Variants in ASCC3 observed in about 807,000 individuals in gnomAD.
ASCC3 encodes ASC-1 complex subunit P200.
A neutral mutation model predicts 256.3 loss-of-function variants in ASCC3; 158 were observed. The observed-to-expected ratio is 0.62, with a 90% CI of 0.54 to 0.70. The LOEUF (loss-of-function observed/expected upper bound fraction) is 0.70. ASCC3 is among the 30% of genes least tolerant of loss of function. The probability of loss-of-function intolerance (pLI) is 0.00; values close to 1 mark genes in which losing one functional copy is unlikely to be tolerated. For synonymous variants in ASCC3, 948 were observed against 883.4 expected (o/e 1.07, Z -1.30); for missense variants, 2,259 against 2,626.0 (o/e 0.86, Z 3.05).
intron 13 of ASCC3, among the ~76,000 whole-genome samples, chr6:100,696,096 T>G (rs1778069425): frequency 6.6e-6 from 1 of 152,212 alleles, no homozygotes; most frequent in Admixed American, 6.5e-5. Flanking sequence ...ACATTTCTCA[T>G]CTACTCAATT....
chr6:100,606,611 T>C, intron 32 of ASCC3, 129 bp downstream of exon 32: 3 of 1,035,886 alleles, frequency 2.9e-6, no homozygotes, highest in Non-Finnish European at 4.1e-6. Flanking sequence ...CTATAATTGC[T>C]TATCATCTGT....
At chr6:100,652,186 C>T (rs1775707597) in intron 18 of ASCC3, among the ~76,000 whole-genome samples, 3 of 152,108 alleles carry the variant, frequency 2.0e-5, no homozygotes, top group South Asian at 4.1e-4. Flanking sequence ...AAAAGAACAG[C>T]AAACAGGTTT....
intron 34 of ASCC3, among the ~76,000 whole-genome samples, chr6:100,594,139 T>A (rs1415804554): frequency 1.3e-5 from 2 of 152,132 alleles, no homozygotes; most frequent in African/African-American, 2.4e-5. Flanking sequence ...CATAGTAGTA[T>A]GATTAGCTGA....
intron 4 of ASCC3, among the ~76,000 whole-genome samples, chr6:100,809,066 T>A (rs1341421192): frequency 2.6e-5 from 4 of 151,970 alleles, no homozygotes; most frequent in Admixed American, 2.6e-4. Context: ...ATTACTCTAG[T>A]TGAGTCAGTG....
intron 4 of ASCC3, among the ~76,000 whole-genome samples, chr6:100,821,102 T>A (rs1339008930): frequency 2.0e-5 from 3 of 152,306 alleles, no homozygotes. Context: ...CAATCATGGC[T>A]CACTACAGCC....
chr6:100,597,732 G>C (rs1177851216), intron 34 of ASCC3, among the ~76,000 whole-genome samples: 1 of 150,650 alleles, frequency 6.6e-6, no homozygotes, highest in African/African-American at 2.5e-5. Context: ...CAGCACTTTG[G>C]GAGGCCGAGA....
intron 11 of ASCC3, among the ~76,000 whole-genome samples, chr6:100,719,571 T>A (rs1405562091): frequency 1.3e-5 from 2 of 152,098 alleles, no homozygotes; most frequent in East Asian, 1.9e-4. Flanking sequence ...ACAACATTTT[T>A]AAATCTAAAA....
chr6:100,676,165 T>C (rs1776995597), intron 14 of ASCC3, among the ~76,000 whole-genome samples: 1 of 152,148 alleles, frequency 6.6e-6, no homozygotes, highest in Admixed American at 6.5e-5. Flanking sequence ...TTGTTTATTA[T>C]CCTTTTGCCA....
chr6:100,569,398 T>C (rs1156316683), intron 36 of ASCC3, among the ~76,000 whole-genome samples: 1 of 152,072 alleles, frequency 6.6e-6, no homozygotes, highest in African/African-American at 2.4e-5. Flanking sequence ...TGTTATTTTT[T>C]TGAGATGGAG....
Position 100,597,462 on chromosome 6 carries a change from T to C in ASCC3, c.5303+4348A>G, listed in dbSNP as rs574754253. Reference sequence around the variant, plus strand: ...TTGAGGCTAGAAGTCATTATTTATGTTGCTACTATCTTCCAACAGAAAGTA... The same window carrying C: ...TTGAGGCTAGAAGTCATTATTTATGCTGCTACTATCTTCCAACAGAAAGTA... On this transcript the variant is annotated intron_variant, in intron 34 of 41. Coordinates refer to ENST00000369162, the MANE Select transcript of ASCC3 (RefSeq NM_006828.4). Among the ~76,000 whole-genome samples the C allele has an allele frequency of 4.6e-5, 7 of 152,282 alleles. No homozygotes were observed. The South Asian group carries it at 1.5e-3, about 32-fold the overall frequency.
chr6:100,774,614 C>A (rs893496690), intron 8 of ASCC3, among the ~76,000 whole-genome samples: 3 of 152,150 alleles, frequency 2.0e-5, no homozygotes, highest in Admixed American at 6.5e-5. Flanking sequence ...ATCCACCCAG[C>A]TTGGCCTCCC....
At chr6:100,610,906 G>A (rs1773359917) in intron 30 of ASCC3, among the ~76,000 whole-genome samples, 1 of 152,098 alleles carries the variant, frequency 6.6e-6, no homozygotes, top group African/African-American at 2.4e-5. Flanking sequence ...ACACTACAAG[G>A]AACTAATTCA....
intron 4 of ASCC3, among the ~76,000 whole-genome samples, chr6:100,838,390 T>C (rs1012039276): frequency 6.6e-6 from 1 of 152,044 alleles, no homozygotes; most frequent in Non-Finnish European, 1.5e-5. Flanking sequence ...TTACTCTGAA[T>C]TGTGGCATAG....
At chr6:100,827,601 C>G (rs531721765) in intron 4 of ASCC3, among the ~76,000 whole-genome samples, 1 of 152,072 alleles carries the variant, frequency 6.6e-6, no homozygotes, top group African/African-American at 2.4e-5. Context: ...TCAGCTGCTT[C>G]CAAGTTTTGG....
chr6:100,616,774 G>C (rs1773684877), intron 30 of ASCC3, among the ~76,000 whole-genome samples: 1 of 151,844 alleles, frequency 6.6e-6, no homozygotes, highest in African/African-American at 2.4e-5. Context: ...GCGAGTTCTT[G>C]TTGTTGTATT....
intron 36 of ASCC3, among the ~76,000 whole-genome samples, chr6:100,573,356 A>G (rs1299512190): frequency 6.6e-6 from 1 of 152,128 alleles, no homozygotes; most frequent in Non-Finnish European, 1.5e-5. Flanking sequence ...TGGAGGAAGG[A>G]GGTCATAGTG....
chr6:100,634,594 A>AT (rs1203660424), intron 25 of ASCC3, among the ~76,000 whole-genome samples: 2 of 152,130 alleles, frequency 1.3e-5, no homozygotes, highest in Admixed American at 6.5e-5. Flanking sequence ...CTGAATACAT[A>AT]TTTTTTTCCA....
intron 10 of ASCC3, among the ~76,000 whole-genome samples, chr6:100,739,788 C>T (rs1780342534): frequency 1.3e-5 from 2 of 152,002 alleles, no homozygotes; most frequent in African/African-American, 4.8e-5. Context: ...TGACATATCC[C>T]TTATCATTTC....
Position 100,530,832 on chromosome 6 carries a change from C to T in ASCC3, c.5775+9331G>A, listed in dbSNP as rs113368834. 623 of 1,238,714 alleles carry T rather than the reference C, an allele frequency of 5.0e-4. 4 individuals carry two copies. The African/African-American group carries it at 7.1e-3, about 14-fold the overall frequency. 76.7% of individuals were successfully genotyped at this position (1,238,714 alleles called of 1,614,324 possible). A position where few individuals can be genotyped will look rare whatever the true frequency, so the allele number is the denominator to read the frequency against. ...GGCCATTGCCTACTGGAACTTAGTG[C>T]TTAATAGAAGATTTAAATTCTTAGA... On this transcript the variant is annotated intron_variant, in intron 37 of 41. Coordinates refer to ENST00000369162, the MANE Select transcript of ASCC3 (RefSeq NM_006828.4).
Sources: allele counts gnomAD v4.1 joint callset (sites outside exome capture counted in the v4.1 genomes callset), GRCh38; gene constraint gnomAD v4.1.1; transcripts MANE v1.5; gene names NCBI Gene and HGNC (gene_info 2026-07-23, HGNC 2026-07-21).